KCNB2: variants seen among roughly 807,000 people sequenced by gnomAD.
The protein encoded by KCNB2 is delayed rectifier potassium channel protein.
Under a neutral mutation model 61.5 loss-of-function variants are expected in KCNB2, and 15 were observed. The ratio of observed to expected loss-of-function variants is 0.24; its 90% CI spans 0.16 to 0.38. The LOEUF is 0.38. Ranked by LOEUF, KCNB2 falls within the 10% of genes least tolerant of loss-of-function variation. The pLI, the probability that KCNB2 is intolerant of heterozygous loss-of-function variation, is 1.00. For missense variants in KCNB2, 828 were observed against 1,125.2 expected (o/e 0.74, Z 3.78); for synonymous variants, 457 against 446.0 (o/e 1.02, Z -0.31).
intron 2 of KCNB2, among the ~76,000 whole-genome samples, chr8:72,767,916 G>A (rs1166740544): frequency 6.8e-6 from 1 of 147,822 alleles, no homozygotes; most frequent in African/African-American, 2.4e-5. Context: ...ATCCTCCTGG[G>A]TATGCAGAGG....
chr8:72,670,852 G>A (rs1431539292), intron 2 of KCNB2, among the ~76,000 whole-genome samples: 1 of 152,094 alleles, frequency 6.6e-6, no homozygotes, highest in East Asian at 1.9e-4. Context: ...AGTTTTTAAA[G>A]TTCTGCAAGT....
chr8:72,559,857 C>T (rs536405508), intron 1 of KCNB2, among the ~76,000 whole-genome samples: 3 of 152,274 alleles, frequency 2.0e-5, no homozygotes, highest in Admixed American at 1.3e-4. Flanking sequence ...GTATAGACAA[C>T]TAGAGATCTG....
chr8:72,783,341 T>A (rs1808795256), intron 2 of KCNB2, among the ~76,000 whole-genome samples: 1 of 152,158 alleles, frequency 6.6e-6, no homozygotes, highest in Non-Finnish European at 1.5e-5. Flanking sequence ...TACAAGGTCT[T>A]GCAAGACTGA....
chr8:72,870,954 G>A (rs190464680), intron 2 of KCNB2, among the ~76,000 whole-genome samples: 121 of 152,310 alleles, frequency 7.9e-4, no homozygotes, highest in African/African-American at 2.5e-3. Flanking sequence ...TCCAGCCTGA[G>A]TGACAGAGTA....
intron 2 of KCNB2, among the ~76,000 whole-genome samples, chr8:72,582,125 G>C (rs909796049): frequency 2.0e-5 from 3 of 152,176 alleles, no homozygotes; most frequent in Non-Finnish European, 4.4e-5. Flanking sequence ...TAAGTTACAT[G>C]AAGCAGACTT....
At chr8:72,928,238 G>A (rs1806695740) in intron 2 of KCNB2, among the ~76,000 whole-genome samples, 2 of 149,534 alleles carry the variant, frequency 1.3e-5, no homozygotes, top group Admixed American at 1.3e-4. Flanking sequence ...TGTCACCCAG[G>A]CTGGAGTATG....
intron 2 of KCNB2, among the ~76,000 whole-genome samples, chr8:72,634,323 T>C (rs1158800077): frequency 1.3e-5 from 2 of 152,268 alleles, no homozygotes; most frequent in East Asian, 3.9e-4. Flanking sequence ...AGACTAGGAT[T>C]TCTTAAACAC....
At chr8:72,916,976 G>A (rs1047721443) in intron 2 of KCNB2, among the ~76,000 whole-genome samples, 4 of 152,158 alleles carry the variant, frequency 2.6e-5, no homozygotes, top group African/African-American at 9.7e-5. Flanking sequence ...GGTGGTTTGA[G>A]AAAAGGCAAC....
At chr8:72,814,930 T>C (rs933169975) in intron 2 of KCNB2, among the ~76,000 whole-genome samples, 12 of 151,970 alleles carry the variant, frequency 7.9e-5, no homozygotes, top group Non-Finnish European at 1.3e-4. Context: ...ATTAAAGAAG[T>C]CAATCAGAAG....
chr8:72,804,770 G>A (rs186273324), intron 2 of KCNB2, among the ~76,000 whole-genome samples: 162 of 152,248 alleles, frequency 1.1e-3, no homozygotes, highest in African/African-American at 3.6e-3. Context: ...TGTAGTATTC[G>A]ACTTATATGC....
At chr8:72,807,291 A>G (rs1227855686) in intron 2 of KCNB2, among the ~76,000 whole-genome samples, 2 of 152,206 alleles carry the variant, frequency 1.3e-5, no homozygotes, top group Non-Finnish European at 2.9e-5. Context: ...GAGCATATGA[A>G]CCATATACTG....
At chr8:72,736,993 T>G (rs1807857550) in intron 2 of KCNB2, among the ~76,000 whole-genome samples, 1 of 152,164 alleles carries the variant, frequency 6.6e-6, no homozygotes, top group Admixed American at 6.6e-5. Context: ...AATTTATAAT[T>G]GTGCTTTACA....
rs36081843 is a variant in KCNB2, at chr8:72,648,572, C to CTTT, written c.579+80270_579+80272dup. Among the ~76,000 whole-genome samples the CTTT allele has an allele frequency of 6.0e-4, 86 of 144,018 alleles. 1 individual carries two copies. Among genetic ancestry groups the CTTT allele is most frequent in the African/African-American group, 2.1e-3 (83 of 39,226 alleles). 94.5% of individuals were successfully genotyped at this position (144,018 alleles called of 152,430 possible). ...TACAGGCATTAGCCACCACACCTGG[C>CTTT]TTTTTTTTTTTTTCAGAATATAAAT... On this transcript the variant is annotated intron_variant, in intron 2 of 2. Coordinates refer to ENST00000523207, the MANE Select transcript of KCNB2 (RefSeq NM_004770.3).
At chr8:72,776,533 GGTGA>G (rs1382950653) in intron 2 of KCNB2, among the ~76,000 whole-genome samples, 1 of 152,106 alleles carries the variant, frequency 6.6e-6, no homozygotes, top group African/African-American at 2.4e-5. Flanking sequence ...CAACTCTGCT[GGTGA>G]GTATTTTTGG....
rs959382263 is a variant in KCNB2 at position 72,742,434 on chromosome 8, T to G, written c.579+174121T>G. ...CCTAATACCATAAGGGTGGTATAAA[T>G]TAAGACTTTACACCCATGGCTGGTG... On this transcript the variant is annotated intron_variant, in intron 2 of 2. Transcript: ENST00000523207. Among the ~76,000 whole-genome samples the G allele has an allele frequency of 2.0e-5, 3 of 152,148 alleles. 1 individual carries two copies.
chr8:72,553,380 T>C (rs1806375563), intron 1 of KCNB2, among the ~76,000 whole-genome samples: 4 of 152,074 alleles, frequency 2.6e-5, no homozygotes, highest in Admixed American at 2.6e-4. Context: ...AATAAGAATG[T>C]GGTGTTTAGA....
chr8:72,818,672 A>T (rs1431255258), intron 2 of KCNB2, among the ~76,000 whole-genome samples: 3 of 152,146 alleles, frequency 2.0e-5, no homozygotes, highest in African/African-American at 7.2e-5. Context: ...TTTCTTATTC[A>T]TCTGCTAATT....
chr8:72,569,986 A>T (rs1275178901), intron 2 of KCNB2, among the ~76,000 whole-genome samples: 1 of 152,156 alleles, frequency 6.6e-6, no homozygotes, highest in African/African-American at 2.4e-5. Flanking sequence ...TTACAGAAAA[A>T]ATTTAAGATA....
At chr8:72,806,927 T>C (rs1809234239) in intron 2 of KCNB2, among the ~76,000 whole-genome samples, 1 of 152,176 alleles carries the variant, frequency 6.6e-6, no homozygotes, top group South Asian at 2.1e-4. Flanking sequence ...AGCTAAAGAA[T>C]GTATCACAGA....
Sources: gnomAD v4.1 joint callset for allele counts (sites outside exome capture counted in the v4.1 genomes callset) on GRCh38, gnomAD v4.1.1 for gene constraint, MANE v1.5 for transcripts, NCBI Gene and HGNC (gene_info 2026-07-23, HGNC 2026-07-21) for gene names.